Variants in PARD3B observed in about 807,000 individuals in gnomAD.
PARD3B encodes the protein par-3 family cell polarity regulator beta.
PARD3B carries 103 observed loss-of-function variants against 130.2 expected under a neutral mutation model. The observed-to-expected ratio is 0.79, with a 90% confidence interval of 0.67 to 0.93. PARD3B has a LOEUF of 0.93. Ranked by LOEUF, PARD3B falls within the 40% of genes least tolerant of loss-of-function variation. The probability of loss-of-function intolerance (pLI) is 0.00; values close to 1 mark genes in which losing one functional copy is unlikely to be tolerated. For synonymous variants in PARD3B, 583 were observed against 553.2 expected, an observed-to-expected ratio of 1.05 and a Z score of -0.76; for missense variants, 1,609 against 1,499.2, an observed-to-expected ratio of 1.07 and a Z score of -1.21.
chr2:205,090,898 A>T (rs771862586), intron 4 of PARD3B, among the ~76,000 whole-genome samples: 2 of 152,214 alleles, frequency 1.3e-5, no homozygotes, highest in Non-Finnish European at 2.9e-5. Flanking sequence ...ATGTGTAAAC[A>T]GTCGGCCAAT....
chr2:205,150,959 T>C (rs911706905), intron 10 of PARD3B, among the ~76,000 whole-genome samples: 2 of 152,184 alleles, frequency 1.3e-5, no homozygotes, highest in African/African-American at 4.8e-5. Flanking sequence ...CATTGTAGTT[T>C]ATACTTGAAA....
intron 22 of PARD3B, among the ~76,000 whole-genome samples, chr2:205,554,412 T>A (rs943844001): frequency 6.6e-5 from 10 of 152,342 alleles, no homozygotes; most frequent in African/African-American, 2.4e-4. Context: ...ATAAATAGTA[T>A]GTTATTTTCA....
At chr2:205,209,595 TA>T (rs1161806600) in intron 15 of PARD3B, among the ~76,000 whole-genome samples, 5 of 151,240 alleles carry the variant, frequency 3.3e-5, no homozygotes, top group African/African-American at 9.7e-5. Flanking sequence ...ATAATTAAAA[TA>T]TACAATTAAA....
chr2:204,753,180 A>T lies in PARD3B; in HGVS notation c.222+66898A>T, dbSNP rs187370016. ...AGTTTATATTAAAAAGTAAATTATC[A>T]TTGAATGAGATTTTAGGTCTTTCTG... is the stretch of plus-strand genomic sequence containing the variant. On this transcript the variant is annotated intron_variant, in intron 2 of 22. Transcript: ENST00000406610. 9.2e-5 allele frequency among the ~76,000 whole-genome samples: 14 copies of T among 152,298 alleles called. No homozygotes were observed. The East Asian group carries it at 2.7e-3, about 29-fold the overall frequency.
At chr2:205,275,598 G>T (rs2040909561) in intron 16 of PARD3B, among the ~76,000 whole-genome samples, 1 of 152,192 alleles carries the variant, frequency 6.6e-6, no homozygotes, top group African/African-American at 2.4e-5. Context: ...CCATTTGAGA[G>T]ATCAAGGCAG....
chr2:205,409,009 G>A (rs531906296), intron 19 of PARD3B, among the ~76,000 whole-genome samples: 63 of 152,222 alleles, frequency 4.1e-4, no homozygotes, highest in Non-Finnish European at 2.8e-4. Flanking sequence ...TAAGGCTTTG[G>A]TTGGCTAAAA....
In PARD3B at chr2:205,470,870, T is replaced by C. The variant is rs1264146408; in HGVS notation, c.3045-29026T>C. On this transcript the variant is annotated intron_variant, in intron 20 of 22. Coordinates refer to ENST00000406610, the MANE Select transcript of PARD3B (RefSeq NM_001302769.2). The surrounding 1 kb of genome is among the most constrained non-coding windows in gnomAD (Gnocchi z 4.8). The stretch of plus-strand genomic sequence containing the variant: ...AGCACCCTGGCCCATTACAGACAAG[T>C]AGACATGGAAGGATACTTTAAAACA... Among the ~76,000 whole-genome samples the C allele has an allele frequency of 1.3e-5, 2 of 152,110 alleles. No individual in the cohort carries two copies. Among genetic ancestry groups the C allele is most frequent in the African/African-American group, 2.4e-5 (1 of 41,396 alleles).
intron 15 of PARD3B, among the ~76,000 whole-genome samples, chr2:205,195,600 T>C (rs1242492551): frequency 6.6e-6 from 1 of 152,230 alleles, no homozygotes; most frequent in Non-Finnish European, 1.5e-5. Context: ...ATTAGAGGAA[T>C]AGACTATTCG....
At chr2:205,541,506 G>A (rs1214074169) in intron 21 of PARD3B, among the ~76,000 whole-genome samples, 12 of 151,922 alleles carry the variant, frequency 7.9e-5, no homozygotes, top group Admixed American at 5.2e-4. Context: ...GTACCACCAC[G>A]CCCAGATAAT....
At chr2:205,401,668 G>C (rs1218547032) in intron 19 of PARD3B, among the ~76,000 whole-genome samples, 1 of 152,198 alleles carries the variant, frequency 6.6e-6, no homozygotes, top group Non-Finnish European at 1.5e-5. Context: ...GTTTGCAAGA[G>C]CTGAATTCTC....
At position 205,184,469 on chromosome 2, in the gene PARD3B, G is replaced by A. The variant is rs141395415; in HGVS notation, c.1925-1295G>A. Among the ~76,000 whole-genome samples the A allele has an allele frequency of 7.7e-3, 1,175 of 152,236 alleles. 17 individuals carry two copies. Among genetic ancestry groups the A allele is most frequent in the African/African-American group, 0.027 (1,102 of 41,550 alleles). ...TAAATATAATTTAGTTTGGCCCGGC[G>A]CGGTGGCTCACGCCTGTAATCCCAG... On this transcript the variant is annotated intron_variant, in intron 13 of 22. Transcript: ENST00000406610.
intron 2 of PARD3B, among the ~76,000 whole-genome samples, chr2:204,893,491 A>G (rs998538116): frequency 6.6e-6 from 1 of 152,230 alleles, no homozygotes; most frequent in Non-Finnish European, 1.5e-5. Flanking sequence ...AAATGCATGT[A>G]TTTAAAGATT....
At chr2:204,983,597 ATTGAAG>A (rs1272990666) in intron 3 of PARD3B, among the ~76,000 whole-genome samples, 1 of 152,178 alleles carries the variant, frequency 6.6e-6, no homozygotes, top group Non-Finnish European at 1.5e-5. Flanking sequence ...CATATTGACT[ATTGAAG>A]TTAAAGGGCA....
intron 10 of PARD3B, among the ~76,000 whole-genome samples, chr2:205,156,249 C>T (rs1277891972): frequency 1.7e-5 from 1 of 60,352 alleles, no homozygotes; most frequent in Non-Finnish European, 2.9e-5. Flanking sequence ...ACATCACACT[C>T]TGGGGACTGT....
chr2:205,186,991 T>A (rs1183867086), intron 14 of PARD3B, among the ~76,000 whole-genome samples: 1 of 152,162 alleles, frequency 6.6e-6, no homozygotes, highest in African/African-American at 2.4e-5. Context: ...CAAAGCTGAA[T>A]CAGATATAAA....
intron 18 of PARD3B, among the ~76,000 whole-genome samples, chr2:205,307,502 C>A (rs1553667536): frequency 6.6e-6 from 1 of 152,128 alleles, no homozygotes; most frequent in Non-Finnish European, 1.5e-5. Context: ...GAGTTCCATA[C>A]ATATTGTGCT....
At chr2:204,642,550 A>G (rs572427981) in intron 1 of PARD3B, among the ~76,000 whole-genome samples, 1 of 152,310 alleles carries the variant, frequency 6.6e-6, no homozygotes, top group Admixed American at 6.5e-5. Context: ...ATGGTGGCAT[A>G]GGACATCCAT....
chr2:205,381,041 AATATATATTATATATAAAGAATATATATT>A (rs765051989), intron 18 of PARD3B, among the ~76,000 whole-genome samples: 1,971 of 61,388 alleles, frequency 0.032, 83 homozygotes, highest in African/African-American at 0.067. Flanking sequence ...ATATATAAAG[AATATATATTATATATAAAGAATATATATT>A]ATATATATTA....
chr2:205,501,340 G>T (rs1258185255), intron 21 of PARD3B, among the ~76,000 whole-genome samples: 1 of 152,080 alleles, frequency 6.6e-6, no homozygotes. Context: ...GCTATTTATT[G>T]GTCTTATTAT....
Sources: allele counts gnomAD v4.1 joint callset (sites outside exome capture counted in the v4.1 genomes callset), GRCh38; gene constraint gnomAD v4.1.1; non-coding constraint Gnocchi (gnomAD v3.1); transcripts MANE v1.5; gene names NCBI Gene and HGNC (gene_info 2026-07-23, HGNC 2026-07-21).